CBL: variants seen among roughly 807,000 people sequenced by gnomAD.
The protein encoded by CBL is E3 ubiquitin-protein ligase CBL.
In CBL, 45 loss-of-function variants were observed where a neutral mutation model predicts 96.9. The observed-to-expected ratio is 0.46, with a 90% CI of 0.37 to 0.60. The LOEUF (loss-of-function observed/expected upper bound fraction) is 0.60. Among genes scored for constraint, CBL ranks in the 20% least tolerant of loss-of-function variants. The pLI is 0.00. For missense variants in CBL, 1,024 were observed against 1,143.5 expected (o/e 0.90, Z 1.51); for synonymous variants, 420 against 426.8 (o/e 0.98, Z 0.20).
At chr11:119,297,069 CTTTATGTGGGTAA>C (rs766184597) in intron 13 of CBL, 35 bp downstream of exon 13, 3 of 1,087,754 alleles carry the variant, frequency 2.8e-6, no homozygotes, top group East Asian at 4.7e-5. Context: ...GGCCCTATAC[CTTTATGTGGGTAA>C]TTGACACCCT....
In CBL at chr11:119,299,776, A is replaced by AC; in HGVS notation, c.2718dup (p.Ter907LeufsTer14). 1 of 1,614,008 alleles carries AC rather than the reference A, an allele frequency of 6.2e-7. No individual in the cohort carries two copies. Among genetic ancestry groups the AC allele is most frequent in the African/African-American group, 1.3e-5 (1 of 75,036 alleles). ...CATTTCTTCTCCTGCCCATGTAGCT[A>AC]CCTAGCACACCATCTCCCTGCTGCA... On this transcript the variant is annotated frameshift_variant, in exon 16 of 16. Coordinates refer to ENST00000264033, the MANE Select transcript of CBL (RefSeq NM_005188.4). LOFTEE classifies it high-confidence loss of function.
At chr11:119,258,542 C>T (rs1949728819) in intron 2 of CBL, among the ~76,000 whole-genome samples, 1 of 152,148 alleles carries the variant, frequency 6.6e-6, no homozygotes, top group Non-Finnish European at 1.5e-5. Flanking sequence ...ATGATCCAGT[C>T]ACCTCCCACC....
intron 2 of CBL, among the ~76,000 whole-genome samples, chr11:119,266,931 G>A (rs993783337): frequency 2.0e-5 from 3 of 152,198 alleles, no homozygotes; most frequent in African/African-American, 7.2e-5. Flanking sequence ...TTGGAGAATC[G>A]TTAGAACTCA....
intron 2 of CBL, among the ~76,000 whole-genome samples, chr11:119,245,219 C>CT (rs1042521999): frequency 3.4e-5 from 5 of 147,942 alleles, no homozygotes; most frequent in Admixed American, 6.8e-5. Flanking sequence ...TTGTCTAGAG[C>CT]TTTTTTTTAT....
intron 2 of CBL, among the ~76,000 whole-genome samples, chr11:119,264,333 C>T (rs1338577466): frequency 1.3e-5 from 2 of 151,744 alleles, no homozygotes; most frequent in East Asian, 3.9e-4. Context: ...GCTGGGATTA[C>T]AGGTGTGAGT....
chr11:119,223,136 C>T (rs1949424110), intron 1 of CBL, among the ~76,000 whole-genome samples: 1 of 150,264 alleles, frequency 6.7e-6, no homozygotes, highest in South Asian at 2.1e-4. Context: ...TATGATCATG[C>T]CACTGTGCTC....
chr11:119,266,374 G>A (rs1740645365), intron 2 of CBL, among the ~76,000 whole-genome samples: 1 of 152,112 alleles, frequency 6.6e-6, no homozygotes, highest in African/African-American at 2.4e-5. Flanking sequence ...CTCCTGTCTT[G>A]CTTAAGATGG....
At chr11:119,265,172 C>T (rs1359035297) in intron 2 of CBL, among the ~76,000 whole-genome samples, 3 of 152,206 alleles carry the variant, frequency 2.0e-5, no homozygotes, top group African/African-American at 4.8e-5. Flanking sequence ...TGAGCTGCTG[C>T]GCCCAGCCTA....
chr11:119,244,581 A>ATTTTTTTTTTTTTTTTTTTTTTT lies in CBL; in HGVS notation c.443+11904_443+11905insTTTTTTTTTTTTTTTTTTTTTTT, dbSNP rs532837579. ...AGGTGCATGCTACCATGCCCGGCTA[A>ATTTTTTTTTTTTTTTTTTTTTTT]TTTTTTTTTTTTTTTTTTGAGACGG... is the stretch of plus-strand genomic sequence containing the variant. On this transcript the variant is annotated intron_variant, in intron 2 of 15. Coordinates refer to ENST00000264033, the MANE Select transcript of CBL (RefSeq NM_005188.4). Among the ~76,000 whole-genome samples the ATTTTTTTTTTTTTTTTTTTTTTT allele has an allele frequency of 3.4e-4, 35 of 104,380 alleles. 3 individuals are homozygous for ATTTTTTTTTTTTTTTTTTTTTTT. The highest frequency in any genetic ancestry group is 2.0e-3 in the East Asian group (6 of 2,964). 68.5% of individuals were successfully genotyped at this position (104,380 alleles called of 152,430 possible). A position where few individuals can be genotyped will look rare whatever the true frequency, so the allele number is the denominator to read the frequency against.
At chr11:119,281,572 G>A (rs1010455582) in intron 9 of CBL, among the ~76,000 whole-genome samples, 52 of 147,172 alleles carry the variant, frequency 3.5e-4, no homozygotes, top group Non-Finnish European at 6.1e-4. Context: ...TCGGCTCACT[G>A]CAACCTCTGC....
chr11:119,242,775 T>G (rs968276281), intron 2 of CBL, among the ~76,000 whole-genome samples: 1 of 150,194 alleles, frequency 6.7e-6, no homozygotes, highest in African/African-American at 2.4e-5. Flanking sequence ...ACCAGTTTGC[T>G]AGGCCTAAAA....
chr11:119,221,352 G>C (rs1201085428), intron 1 of CBL, among the ~76,000 whole-genome samples: 1 of 151,974 alleles, frequency 6.6e-6, no homozygotes, highest in Non-Finnish European at 1.5e-5. Context: ...AGGAGTTCAA[G>C]ACCAGTCTAG....
chr11:119,290,317 A>T (rs1449746641), intron 12 of CBL, among the ~76,000 whole-genome samples: 1 of 151,512 alleles, frequency 6.6e-6, no homozygotes, highest in East Asian at 2.0e-4. Flanking sequence ...GAGTGCAGGG[A>T]TTATAGGCGA....
chr11:119,235,286 T>G (rs1949535105), intron 2 of CBL, among the ~76,000 whole-genome samples: 1 of 152,032 alleles, frequency 6.6e-6, no homozygotes, highest in South Asian at 2.1e-4. Context: ...CTGATTTTTT[T>G]GTATTTTTAG....
At chr11:119,232,291 G>T (rs1949508948) in intron 1 of CBL, among the ~76,000 whole-genome samples, 157 bp from the exon 2 acceptor site, 1 of 152,200 alleles carries the variant, frequency 6.6e-6, no homozygotes, top group African/African-American at 2.4e-5. Flanking sequence ...TAAAATGGTT[G>T]CCTGTGGGCA....
At chr11:119,268,704 C>G (rs1030738296) in intron 2 of CBL, among the ~76,000 whole-genome samples, 1 of 152,008 alleles carries the variant, frequency 6.6e-6, no homozygotes, top group East Asian at 1.9e-4. Context: ...TGGGAAATAC[C>G]GCTTAAGACG....
Position 119,276,039 on chromosome 11 carries a change from T to C in CBL, c.912T>C (p.Ala304=), listed in dbSNP as rs1245242838. 6.2e-7 allele frequency: 1 copy of C among 1,614,074 alleles called. No individual in the cohort carries two copies. The highest frequency in any genetic ancestry group is 2.2e-5 in the East Asian group (1 of 44,886). ...GCTGTACTCGTCTGGGTCAGTGGGCTATTGGGTATGTTACTGCTGATGGGA... is the reference window on the plus strand; with the variant it reads ...GCTGTACTCGTCTGGGTCAGTGGGCCATTGGGTATGTTACTGCTGATGGGA... ...RLSCTRLGQW[A]IGYVTADGNI... The change falls in exon 6 of 16, where the codon GCT becomes GCC. Residue 304 remains alanine (A), a synonymous_variant. Transcript: ENST00000264033.
intron 2 of CBL, among the ~76,000 whole-genome samples, chr11:119,234,467 T>C (rs769493286): frequency 7.4e-4 from 112 of 152,378 alleles, no homozygotes; most frequent in African/African-American, 1.1e-3. Context: ...CTAGTCATTT[T>C]GTATTGTATT....
chr11:119,255,734 CA>C (rs1355366824), intron 2 of CBL, among the ~76,000 whole-genome samples: 1 of 152,046 alleles, frequency 6.6e-6, no homozygotes, highest in Non-Finnish European at 1.5e-5. Flanking sequence ...TTGCAGGGTA[CA>C]TTTAGCAAAA....
Sources: allele counts gnomAD v4.1 joint callset (sites outside exome capture counted in the v4.1 genomes callset), GRCh38; gene constraint gnomAD v4.1.1; transcripts MANE v1.5; gene names NCBI Gene and HGNC (gene_info 2026-07-23, HGNC 2026-07-21).